The following PIK3C2A variants were observed in gnomAD, a reference collection of about 807,000 sequenced individuals.
The protein encoded by PIK3C2A is phosphatidylinositol-4-phosphate 3-kinase catalytic subunit type 2 alpha, also known as phosphatidylinositol 4-phosphate 3-kinase C2 domain-containing subunit alpha.
PIK3C2A carries 97 observed loss-of-function variants against 204.5 expected under a neutral mutation model. The observed-to-expected ratio is 0.47, with a 90% CI of 0.40 to 0.56. The LOEUF is 0.56. Ranked by LOEUF, PIK3C2A falls within the 20% of genes least tolerant of loss-of-function variation. PIK3C2A has a pLI of 0.00. For missense variants in PIK3C2A, 1,735 were observed against 1,969.2 expected, an observed-to-expected ratio of 0.88 and a Z score of 2.25; for synonymous variants, 653 against 664.4, an observed-to-expected ratio of 0.98 and a Z score of 0.26.
Position 17,112,618 on chromosome 11 carries a change from C to T in PIK3C2A, c.3370G>A (p.Val1124Met). ...SNAVPLKVTM[V>M]NADPMGEEIN... is the part of the protein sequence containing the mutation. ...TCTTCTCCCATAGGGTCAGCATTCA[C>T]CATTGTGACTTTTAGGGGGACAGCA... Residue 1124 changes from valine to methionine, a missense_variant, in exon 21 of 33, where the codon GTG becomes ATG. Physicochemically the swap from Val to Met is conservative, Grantham distance 21. This residue lies in a region of PIK3C2A where 567 missense variants were observed against 576.0 expected (regional missense o/e 0.98). Coordinates refer to ENST00000691414, the MANE Select transcript of PIK3C2A (RefSeq NM_002645.4). 1 of 1,563,582 alleles carries T rather than the reference C, an allele frequency of 6.4e-7. No homozygotes were observed. The highest frequency in any genetic ancestry group is 8.7e-7 in the Non-Finnish European group (1 of 1,149,654).
chr11:17,185,534 A>C (rs1201385608), intron 1 of PIK3C2A, among the ~76,000 whole-genome samples: 1 of 152,212 alleles, frequency 6.6e-6, no homozygotes, highest in Non-Finnish European at 1.5e-5. Context: ...TACTAAGGAA[A>C]AGGTGGGGAA....
At chr11:17,129,555 T>C (rs1248036853) in intron 12 of PIK3C2A, 88 bp from the exon 13 acceptor site, 13 of 810,380 alleles carry the variant, frequency 1.6e-5, no homozygotes, top group African/African-American at 1.7e-5. Context: ...ATTTTAGGTA[T>C]TGTATTTAAC....
chr11:17,168,510 G>C (rs1455469128), intron 2 of PIK3C2A, among the ~76,000 whole-genome samples, 167 bp downstream of exon 2: 1 of 152,150 alleles, frequency 6.6e-6, no homozygotes, highest in African/African-American at 2.4e-5. Context: ...GAACCTGGGA[G>C]GCGGAGCTTG....
intron 12 of PIK3C2A, among the ~76,000 whole-genome samples, chr11:17,131,169 C>T (rs896267639): frequency 2.6e-5 from 4 of 152,132 alleles, no homozygotes; most frequent in African/African-American, 9.7e-5. Context: ...GCCTGGGCAA[C>T]AAGGGCAAAA....
intron 22 of PIK3C2A, among the ~76,000 whole-genome samples, chr11:17,109,480 A>C (rs567450912): frequency 2.6e-5 from 4 of 152,374 alleles, no homozygotes; most frequent in African/African-American, 9.6e-5. Context: ...GTAAGATAGA[A>C]ATCTGCTATT....
At position 17,169,543 on chromosome 11, in the gene PIK3C2A, C is replaced by T; in HGVS notation, c.199G>A (p.Val67Ile). Reference protein sequence around the residue: ...LSSSTRKKAQVYNKQDYDLMV... With the variant: ...LSSSTRKKAQIYNKQDYDLMV... ...AGATCATAATCCTGCTTGTTATAAA[C>T]CTGTGCTTTTTTTCTGGTGCTGCTT... Residue 67 changes from valine (V) to isoleucine (I), a missense_variant, in exon 2 of 33, where the codon GTT (valine) becomes ATT (isoleucine). By Grantham distance (29) the Val-to-Ile change is conservative (BLOSUM62 3). Coordinates refer to ENST00000691414, the MANE Select transcript of PIK3C2A (RefSeq NM_002645.4). 6.2e-7 allele frequency: 1 copy of T among 1,614,122 alleles called. No individual in the cohort carries two copies. Among genetic ancestry groups the T allele is most frequent in the Non-Finnish European group, 8.5e-7 (1 of 1,180,020 alleles).
chr11:17,102,100 T>G (rs1464505371), intron 24 of PIK3C2A, among the ~76,000 whole-genome samples: 1 of 152,166 alleles, frequency 6.6e-6, no homozygotes, highest in Non-Finnish European at 1.5e-5. Context: ...TTCTAAGAGT[T>G]ATCGCTAAGT....
intron 1 of PIK3C2A, among the ~76,000 whole-genome samples, chr11:17,174,297 C>T (rs1453105218): frequency 2.8e-5 from 3 of 109,084 alleles, no homozygotes; most frequent in Non-Finnish European, 5.6e-5. Context: ...TGTATTAAAA[C>T]AAAACAGCGG....
chr11:17,139,105 G>A (rs1324711434), intron 8 of PIK3C2A, among the ~76,000 whole-genome samples: 1 of 151,830 alleles, frequency 6.6e-6, no homozygotes, highest in African/African-American at 2.4e-5. Flanking sequence ...TAGAGACGAG[G>A]TTTCACCACG....
chr11:17,127,271 C>T (rs1052727664), intron 13 of PIK3C2A, among the ~76,000 whole-genome samples: 1 of 151,812 alleles, frequency 6.6e-6, no homozygotes, highest in African/African-American at 2.4e-5. Flanking sequence ...AGGGGGGAAG[C>T]GACTAAAATA....
chr11:17,094,079 C>T lies in PIK3C2A; in HGVS notation c.4451+182G>A, dbSNP rs1348224417. 3.9e-5 allele frequency among the ~76,000 whole-genome samples: 6 copies of T among 152,178 alleles called. No homozygotes were observed. The East Asian group carries it at 1.2e-3, about 29-fold the overall frequency. ...TTAACATCCCGATCATTTATTCATTCAACAAAAACTTCCAGTTCCTTGTTT... is the reference window on the plus strand; with the variant it reads ...TTAACATCCCGATCATTTATTCATTTAACAAAAACTTCCAGTTCCTTGTTT... On this transcript the variant is annotated intron_variant, in intron 28 of 32. Transcript: ENST00000691414.
intron 14 of PIK3C2A, 41 bp from the exon 15 acceptor site, chr11:17,122,374 T>A: frequency 7.9e-7 from 1 of 1,270,058 alleles, no homozygotes; most frequent in Non-Finnish European, 1.1e-6. Context: ...ACAGTCTACG[T>A]ATTTGCCACA....
At chr11:17,139,048 C>T (rs1401239847) in intron 8 of PIK3C2A, among the ~76,000 whole-genome samples, 1 of 151,832 alleles carries the variant, frequency 6.6e-6, no homozygotes, top group African/African-American at 2.4e-5. Context: ...GCTGGGATTA[C>T]AGGTGCCTGC....
chr11:17,138,100 G>T, intron 8 of PIK3C2A: 1 of 721,152 alleles, frequency 1.4e-6, no homozygotes. Flanking sequence ...ATCACCATAG[G>T]CCCTGCTGAC....
At chr11:17,134,740 A>G in intron 11 of PIK3C2A, 79 bp downstream of exon 11, 3 of 1,029,680 alleles carry the variant, frequency 2.9e-6, no homozygotes, top group South Asian at 1.3e-5. Flanking sequence ...GGGTCAAGCA[A>G]TCCTCCCACT....
At chr11:17,200,731 T>C (rs964682499) in intron 1 of PIK3C2A, among the ~76,000 whole-genome samples, 1 of 152,198 alleles carries the variant, frequency 6.6e-6, no homozygotes, top group African/African-American at 2.4e-5. Flanking sequence ...TTCATCTGTT[T>C]TAGCAGAACT....
chr11:17,202,925 G>A (rs1852439867), intron 1 of PIK3C2A, among the ~76,000 whole-genome samples: 1 of 152,146 alleles, frequency 6.6e-6, no homozygotes, highest in African/African-American at 2.4e-5. Flanking sequence ...AATACTAACA[G>A]AAAGCCTTAT....
At chr11:17,178,765 C>G (rs950777204) in intron 1 of PIK3C2A, among the ~76,000 whole-genome samples, 1 of 146,820 alleles carries the variant, frequency 6.8e-6, no homozygotes, top group African/African-American at 2.5e-5. Context: ...CTCTGTCGCC[C>G]AGGCCGGACT....
intron 9 of PIK3C2A, 65 bp downstream of exon 9, chr11:17,136,417 G>T: frequency 8.0e-7 from 1 of 1,247,412 alleles, no homozygotes; most frequent in Non-Finnish European, 1.2e-6. Flanking sequence ...CTAGGATAAG[G>T]CAAAAATCTC....
Sources: gnomAD v4.1 joint callset for allele counts (sites outside exome capture counted in the v4.1 genomes callset) on GRCh38, gnomAD v4.1.1 for gene constraint, gnomAD v4.1.1 regional missense constraint, MANE v1.5 for transcripts, NCBI Gene and HGNC (gene_info 2026-07-23, HGNC 2026-07-21) for gene names.